WDFY4: variants seen among roughly 807,000 people sequenced by gnomAD.
WDFY4 encodes the protein WD repeat- and FYVE domain-containing protein 4.
Under a neutral mutation model 351.9 loss-of-function variants are expected in WDFY4, and 169 were observed. The ratio of observed to expected loss-of-function variants is 0.48; its 90% CI spans 0.42 to 0.55. WDFY4 has a LOEUF of 0.55. WDFY4 is among the 20% of genes least tolerant of loss of function. The probability of loss-of-function intolerance (pLI) is 0.00; values close to 1 mark genes in which losing one functional copy is unlikely to be tolerated. For missense variants in WDFY4, 3,803 were observed against 3,935.6 expected, an observed-to-expected ratio of 0.97 and a Z score of 0.90; for synonymous variants, 1,622 against 1,574.6, an observed-to-expected ratio of 1.03 and a Z score of -0.71.
chr10:48,746,726 G>A (rs967559058), intron 12 of WDFY4, among the ~76,000 whole-genome samples: 6 of 151,922 alleles, frequency 3.9e-5, no homozygotes, highest in Non-Finnish European at 8.8e-5. Flanking sequence ...TTTTATAGTA[G>A]TTGCCCTAGA....
intron 56 of WDFY4, 78 bp from the exon 57 acceptor site, chr10:48,970,053 A>C: frequency 5.2e-4 from 758 of 1,468,182 alleles, no homozygotes; most frequent in Non-Finnish European, 6.3e-4. Flanking sequence ...AGACTGGCCC[A>C]CATACCCCCG....
At chr10:48,796,953 G>A (rs2066896506) in intron 24 of WDFY4, among the ~76,000 whole-genome samples, 1 of 152,136 alleles carries the variant, frequency 6.6e-6, no homozygotes. Context: ...CATTTACTGA[G>A]CACCCTCTGG....
At chr10:48,941,784 A>C (rs1840778897) in intron 47 of WDFY4, 22 bp from the exon 48 acceptor site, 2 of 1,551,554 alleles carry the variant, frequency 1.3e-6, no homozygotes, top group Non-Finnish European at 1.7e-6. Flanking sequence ...TTTAGTCACC[A>C]CCTTGGTTTT....
At chr10:48,746,596 A>G (rs2065022098) in intron 12 of WDFY4, among the ~76,000 whole-genome samples, 1 of 152,044 alleles carries the variant, frequency 6.6e-6, no homozygotes, top group African/African-American at 2.4e-5. Flanking sequence ...AATGATTTCT[A>G]CTTAGCTTTT....
At chr10:48,838,248 G>T (rs1343545395) in intron 39 of WDFY4, among the ~76,000 whole-genome samples, 3 of 152,158 alleles carry the variant, frequency 2.0e-5, no homozygotes, top group Admixed American at 6.5e-5. Context: ...CTTTCTTGGG[G>T]GTCCCCTAAA....
rs1842664468 is a variant in WDFY4, at chr10:48,978,337, C to G, written c.9320C>G (p.Ser3107Cys). ...TGGAAGACTGAGGATGTGAAGATGTCTGTTCCTGGACGGCCAGCAGGAGAG... is the reference window on the plus strand; with the variant it reads ...TGGAAGACTGAGGATGTGAAGATGTGTGTTCCTGGACGGCCAGCAGGAGAG... ...RVWKTEDVKM[S>C]VPGRPAGEEP... The change falls in exon 60 of 62, where the codon TCT becomes TGT. Residue 3107 changes from serine to cysteine, a missense_variant. Physicochemically the swap from Ser to Cys is moderately radical, Grantham distance 112 (BLOSUM62 -1). This residue lies in a region of WDFY4 where 3,054 missense variants were observed against 3,148.6 expected (regional missense o/e 0.97). Coordinates refer to ENST00000325239, the MANE Select transcript of WDFY4 (RefSeq NM_001394531.1). The G allele has an allele frequency of 1.3e-6, 2 of 1,551,518 alleles. No homozygotes were observed. Among genetic ancestry groups the G allele is most frequent in the Non-Finnish European group, 1.7e-6 (2 of 1,146,894 alleles).
intron 41 of WDFY4, 111 bp from the exon 42 acceptor site, chr10:48,874,978 T>C (rs1409037970): frequency 2.1e-6 from 1 of 487,338 alleles, no homozygotes; most frequent in African/African-American, 2.0e-5. Context: ...CTTGCATAAT[T>C]TGAAGGGGTC....
At chr10:48,914,556 T>C (rs1838329295) in intron 47 of WDFY4, among the ~76,000 whole-genome samples, 1 of 152,142 alleles carries the variant, frequency 6.6e-6, no homozygotes, top group South Asian at 2.1e-4. Context: ...GAGCCATGTG[T>C]GTGTGTTCTT....
At chr10:48,865,512 T>C (rs1175009107) in intron 39 of WDFY4, among the ~76,000 whole-genome samples, 1 of 152,208 alleles carries the variant, frequency 6.6e-6, no homozygotes, top group Non-Finnish European at 1.5e-5. Flanking sequence ...TATGAGATAT[T>C]GGTCTGTAGT....
intron 24 of WDFY4, among the ~76,000 whole-genome samples, chr10:48,797,656 G>T (rs897856313): frequency 1.3e-5 from 2 of 151,888 alleles, no homozygotes; most frequent in African/African-American, 4.8e-5. Flanking sequence ...GAGAGTTCCT[G>T]GTTTCTTCAT....
rs1021299747 is a variant in WDFY4 at position 48,924,579 on chromosome 10, T to C, written c.7587-17227T>C. On this transcript the variant is annotated intron_variant, in intron 47 of 61. Coordinates refer to ENST00000325239, the MANE Select transcript of WDFY4 (RefSeq NM_001394531.1). ...CATGAACAGCTTAGCAGCTCAAATA[T>C]AAGAGGTTTCTAAAGGTACTGTGTC... 7.9e-5 allele frequency among the ~76,000 whole-genome samples: 12 copies of C among 152,368 alleles called. No homozygotes were observed. In the South Asian group the frequency reaches 2.5e-3, roughly 32 times the overall value.
intron 34 of WDFY4, 81 bp from the exon 35 acceptor site, chr10:48,822,299 G>T: frequency 1.4e-6 from 2 of 1,381,282 alleles, no homozygotes; most frequent in Non-Finnish European, 9.5e-7. Context: ...AGATGCAGTT[G>T]GTCACTACAG....
chr10:48,721,234 T>C, intron 3 of WDFY4, 27 bp from the exon 4 acceptor site: 1 of 1,545,636 alleles, frequency 6.5e-7, no homozygotes, highest in African/African-American at 1.4e-5. Context: ...GGTCGCTGTA[T>C]GCCCTGCTGG....
intron 23 of WDFY4, among the ~76,000 whole-genome samples, chr10:48,794,826 T>C (rs1292715206): frequency 6.6e-6 from 1 of 152,132 alleles, no homozygotes; most frequent in Non-Finnish European, 1.5e-5. Context: ...TGGTGGCCTT[T>C]CTGAGGGAGG....
At chr10:48,854,649 C>T (rs2069075500) in intron 39 of WDFY4, among the ~76,000 whole-genome samples, 1 of 152,164 alleles carries the variant, frequency 6.6e-6, no homozygotes. Flanking sequence ...GAACCAAAAA[C>T]TAAGGTGTCT....
intron 47 of WDFY4, among the ~76,000 whole-genome samples, chr10:48,907,586 G>C (rs1320030067): frequency 6.6e-6 from 1 of 152,080 alleles, no homozygotes; most frequent in Non-Finnish European, 1.5e-5. Flanking sequence ...CCTACCATAA[G>C]AACCTATGCG....
At position 48,817,265 on chromosome 10, in the gene WDFY4, T is replaced by C. The variant is rs1021813115; in HGVS notation, c.5361T>C (p.Asp1787=). Residue 1787 remains aspartate, a synonymous_variant, in exon 32 of 62, where the codon GAT becomes GAC. Transcript: ENST00000325239. The stretch of plus-strand genomic sequence containing the variant: ...CTCAGCCCCTGGCAGGTTCTGAGGA[T>C]GGTGCCTGGGCACAGACCTTCCCGG... ...TMSQPLAGSE[D]GAWAQTFPAS... 6.4e-7 allele frequency: 1 copy of C among 1,551,570 alleles called. No individual in the cohort carries two copies. The highest frequency in any genetic ancestry group is 1.4e-5 in the African/African-American group (1 of 73,066).
chr10:48,831,563 C>G (rs1402518418), intron 38 of WDFY4, among the ~76,000 whole-genome samples: 1 of 152,222 alleles, frequency 6.6e-6, no homozygotes, highest in African/African-American at 2.4e-5. Context: ...GGCCCAGAAT[C>G]TCCTTCTAAA....
chr10:48,812,671 G>T (rs1015779218), intron 30 of WDFY4, among the ~76,000 whole-genome samples: 25 of 152,114 alleles, frequency 1.6e-4, no homozygotes, highest in Non-Finnish European at 1.8e-4. Flanking sequence ...CCAAAGAGGA[G>T]TCTGTGCTCA....
Sources: gnomAD v4.1 joint callset for allele counts (sites outside exome capture counted in the v4.1 genomes callset) on GRCh38, gnomAD v4.1.1 for gene constraint, gnomAD v4.1.1 regional missense constraint, MANE v1.5 for transcripts, NCBI Gene and HGNC (gene_info 2026-07-23, HGNC 2026-07-21) for gene names.